PTPRN2: variants seen among roughly 807,000 people sequenced by gnomAD.
The protein encoded by PTPRN2 is protein tyrosine phosphatase receptor type N2.
Under a neutral mutation model 118.8 loss-of-function variants are expected in PTPRN2, and 74 were observed. The observed-to-expected ratio is 0.62, with a 90% CI of 0.52 to 0.76. The LOEUF (loss-of-function observed/expected upper bound fraction) is 0.76, where lower values mean the gene tolerates loss of function less well. PTPRN2 is among the 30% of genes least tolerant of loss of function. The pLI is 0.00. For missense variants in PTPRN2, 1,481 were observed against 1,394.4 expected, an observed-to-expected ratio of 1.06 and a Z score of -0.99; for synonymous variants, 641 against 608.0, an observed-to-expected ratio of 1.05 and a Z score of -0.80.
intron 12 of PTPRN2, among the ~76,000 whole-genome samples, chr7:157,760,414 G>T (rs886169227): frequency 6.6e-6 from 1 of 151,942 alleles, no homozygotes; most frequent in Non-Finnish European, 1.5e-5. Flanking sequence ...CTTCCTAAAG[G>T]CTCATGACGC....
chr7:158,305,058 ACG>A (rs1801181892), intron 3 of PTPRN2, among the ~76,000 whole-genome samples: 1 of 152,122 alleles, frequency 6.6e-6, no homozygotes, highest in Non-Finnish European at 1.5e-5. Context: ...GTCTGTCTTC[ACG>A]CCTCTGTTCC....
chr7:158,385,210 A>C (rs1811243422), intron 2 of PTPRN2, among the ~76,000 whole-genome samples: 1 of 152,246 alleles, frequency 6.6e-6, no homozygotes, highest in South Asian at 2.1e-4. Flanking sequence ...ACACTATGTG[A>C]GTCCCACTGT....
At chr7:158,264,243 C>T (rs1238606815) in intron 3 of PTPRN2, among the ~76,000 whole-genome samples, 1 of 152,168 alleles carries the variant, frequency 6.6e-6, no homozygotes, top group South Asian at 2.1e-4. Context: ...AGAAATAAAA[C>T]CATGCAATTC....
intron 12 of PTPRN2, among the ~76,000 whole-genome samples, chr7:157,709,610 G>C (rs919861212): frequency 6.6e-6 from 1 of 152,200 alleles, no homozygotes; most frequent in African/African-American, 2.4e-5. Context: ...CTCGCTCCAC[G>C]TTGTGCAGCC....
intron 3 of PTPRN2, among the ~76,000 whole-genome samples, chr7:158,310,579 G>A (rs1377698484): frequency 1.3e-5 from 2 of 152,254 alleles, no homozygotes; most frequent in South Asian, 4.1e-4. Context: ...GGGGCTGGGT[G>A]GAAGGAGCCA....
chr7:158,090,575 C>A (rs577434416), intron 10 of PTPRN2, among the ~76,000 whole-genome samples: 17 of 152,166 alleles, frequency 1.1e-4, no homozygotes, highest in Non-Finnish European at 2.5e-4. Context: ...TTGCTCATTT[C>A]TTTTGATGGT....
chr7:158,063,065 C>G (rs1443139881), intron 11 of PTPRN2, among the ~76,000 whole-genome samples: 1 of 152,242 alleles, frequency 6.6e-6, no homozygotes, highest in Non-Finnish European at 1.5e-5. Context: ...GAACATTTAT[C>G]TCTAGCTAAG....
At chr7:158,293,406 T>C (rs1026305990) in intron 3 of PTPRN2, among the ~76,000 whole-genome samples, 2 of 151,868 alleles carry the variant, frequency 1.3e-5, no homozygotes, top group Admixed American at 6.6e-5. Context: ...TTAAACCCCG[T>C]CTCTACTAAA....
Position 157,596,779 on chromosome 7 carries a change from A to G in PTPRN2, c.2419-1464T>C, listed in dbSNP as rs951554774. ...CATCTGACGCACAGTCCTTTCTTCT[A>G]TTGTGTCTAGGACTAAAATGGACTC... On this transcript the variant is annotated intron_variant, in intron 16 of 22. Coordinates refer to ENST00000389418, the MANE Select transcript of PTPRN2 (RefSeq NM_002847.5). The surrounding 1 kb of genome is among the most constrained non-coding windows in gnomAD (Gnocchi z 4.2). Among the ~76,000 whole-genome samples the G allele has an allele frequency of 6.6e-6, 1 of 152,206 alleles. No homozygotes were observed. Among genetic ancestry groups the G allele is most frequent in the African/African-American group, 2.4e-5 (1 of 41,444 alleles).
At chr7:157,675,933 A>G (rs557460020) in intron 13 of PTPRN2, among the ~76,000 whole-genome samples, 139 of 152,232 alleles carry the variant, frequency 9.1e-4, no homozygotes, top group African/African-American at 3.2e-3. Context: ...TAAAAGATGA[A>G]AAGTGTGGCA....
At chr7:158,185,052 T>C (rs1209316552) in intron 5 of PTPRN2, among the ~76,000 whole-genome samples, 1 of 152,238 alleles carries the variant, frequency 6.6e-6, no homozygotes, top group African/African-American at 2.4e-5. Flanking sequence ...GGTTGATGTT[T>C]AAATGTTCGA....
intron 12 of PTPRN2, among the ~76,000 whole-genome samples, chr7:157,757,432 C>G (rs1018506682): frequency 6.6e-6 from 1 of 152,150 alleles, no homozygotes; most frequent in South Asian, 2.1e-4. Context: ...AGTGCTGGAG[C>G]TCTCGGCGGC....
intron 3 of PTPRN2, among the ~76,000 whole-genome samples, chr7:158,296,170 G>A (rs904901780): frequency 2.6e-5 from 4 of 152,062 alleles, no homozygotes; most frequent in African/African-American, 9.7e-5. Flanking sequence ...TCTATCCTGT[G>A]CCTATAAAAA....
chr7:158,013,687 CCATT>C lies in PTPRN2; in HGVS notation c.1723+67607_1723+67610del, dbSNP rs1440064838. Among the ~76,000 whole-genome samples the C allele has an allele frequency of 4.0e-5, 6 of 151,860 alleles. No homozygotes were observed. The East Asian group carries it at 1.2e-3, about 30-fold the overall frequency. On this transcript the variant is annotated intron_variant, in intron 11 of 22. Transcript: ENST00000389418. ...TCTATTTACCCATCCATCTCTCCAT[CCATT>C]CACCCACCCACCCATCCATCCATCC... is the stretch of plus-strand genomic sequence containing the variant.
chr7:158,158,364 C>T (rs1822028272), intron 6 of PTPRN2, among the ~76,000 whole-genome samples: 1 of 152,234 alleles, frequency 6.6e-6, no homozygotes, highest in South Asian at 2.1e-4. Context: ...CTGGGATTCC[C>T]ACCACCAACA....
intron 2 of PTPRN2, among the ~76,000 whole-genome samples, chr7:158,362,150 C>T (rs181060867): frequency 3.9e-4 from 59 of 152,352 alleles, no homozygotes; most frequent in African/African-American, 1.3e-3. Context: ...GCTGCACCAG[C>T]AGGCACCACC....
chr7:157,818,505 AG>A (rs1424384604), intron 12 of PTPRN2, among the ~76,000 whole-genome samples: 1 of 146,994 alleles, frequency 6.8e-6, no homozygotes, highest in Non-Finnish European at 1.5e-5. Flanking sequence ...GGAAACGGGG[AG>A]GGACGTCTCA....
chr7:157,791,335 A>G (rs1804476066), intron 12 of PTPRN2, among the ~76,000 whole-genome samples: 1 of 152,274 alleles, frequency 6.6e-6, no homozygotes, highest in East Asian at 1.9e-4. Context: ...AAAACAGAAC[A>G]GAACAAAATT....
At chr7:157,908,791 T>A (rs931888850) in intron 11 of PTPRN2, among the ~76,000 whole-genome samples, 1 of 152,264 alleles carries the variant, frequency 6.6e-6, no homozygotes, top group Non-Finnish European at 1.5e-5. Context: ...AATTTTGATA[T>A]TTTGTGAATT....
Sources: allele counts gnomAD v4.1 joint callset (sites outside exome capture counted in the v4.1 genomes callset), GRCh38; gene constraint gnomAD v4.1.1; non-coding constraint Gnocchi (gnomAD v3.1); transcripts MANE v1.5; gene names NCBI Gene and HGNC (gene_info 2026-07-23, HGNC 2026-07-21).